The following PLXND1 variants were observed in gnomAD, a reference collection of about 807,000 sequenced individuals.
PLXND1 encodes plexin-D1.
PLXND1 carries 54 observed loss-of-function variants against 197.7 expected under a neutral mutation model. That is an observed-to-expected ratio of 0.27 (90% CI 0.22 to 0.34). PLXND1 has a LOEUF of 0.34. PLXND1 is among the 10% of genes least tolerant of loss of function. The pLI, the probability that PLXND1 is intolerant of heterozygous loss-of-function variation, is 1.00. For missense variants in PLXND1, 2,127 were observed against 2,699.2 expected, an observed-to-expected ratio of 0.79 and a Z score of 4.70; for synonymous variants, 1,180 against 1,161.2, an observed-to-expected ratio of 1.02 and a Z score of -0.33.
chr3:129,595,020 A>G (rs968694972), intron 1 of PLXND1, among the ~76,000 whole-genome samples: 1 of 152,088 alleles, frequency 6.6e-6, no homozygotes, highest in African/African-American at 2.4e-5. Flanking sequence ...GGCCTCTCTC[A>G]GCCCCCGTCC....
chr3:129,572,804 C>T, intron 14 of PLXND1, 38 bp downstream of exon 14: 1 of 1,612,236 alleles, frequency 6.2e-7, no homozygotes, highest in Non-Finnish European at 8.5e-7. Context: ...AGTGTGCGTG[C>T]TGGGCGGGCC....
At chr3:129,562,699 C>G (rs2085079167) in intron 27 of PLXND1, 88 bp downstream of exon 27, 1 of 1,250,680 alleles carries the variant, frequency 8.0e-7, no homozygotes, top group East Asian at 2.5e-5. Flanking sequence ...TGCACCCATG[C>G]CAGGTGAAAG....
At position 129,606,284 on chromosome 3, in the gene PLXND1, C is replaced by G; in HGVS notation, c.356G>C (p.Arg119Pro). The G allele has an allele frequency of 1.3e-6, 2 of 1,532,938 alleles. No individual in the cohort carries two copies. Among genetic ancestry groups the G allele is most frequent in the East Asian group, 5.1e-5 (2 of 39,514 alleles). 95.0% of individuals were successfully genotyped at this position (1,532,938 alleles called of 1,614,324 possible). ...GATCTTGTTGTAGTTGTCCGTGAGG[C>G]GCCGCGGGTGCTCGCACGAGGCCTG... ...LPQASCEHPR[R>P]LTDNYNKILQ... Residue 119 changes from arginine to proline, a missense_variant, in exon 1 of 36, where the codon CGC (arginine) becomes CCC (proline). Physicochemically the swap from Arg to Pro is moderately radical, Grantham distance 103. This residue lies in a region of PLXND1 where 245 missense variants were observed against 267.1 expected (regional missense o/e 0.92). Coordinates refer to ENST00000324093, the MANE Select transcript of PLXND1 (RefSeq NM_015103.3).
chr3:129,588,545 G>A (rs2085493112), intron 2 of PLXND1, among the ~76,000 whole-genome samples: 1 of 152,256 alleles, frequency 6.6e-6, no homozygotes. Context: ...CACAGCGGTG[G>A]GGTCCTGGGA....
chr3:129,605,532 CA>C lies in PLXND1; in HGVS notation c.1107del (p.Phe369LeufsTer92). On this transcript the variant is annotated frameshift_variant, in exon 1 of 36. Transcript: ENST00000324093. LOFTEE classifies it high-confidence loss of function. The part of the protein sequence containing the change: ...VSVFPARERL[F>X]AVFERPQGSP... ...GACCCCTGGGGCCGCTCGAAGACAG[CA>C]AAGAGCCGCTCCCGGGCTGGGAAGA... 1 of 1,525,192 alleles carries C rather than the reference CA, an allele frequency of 6.6e-7. No individual in the cohort carries two copies. The allele number at this position is 1,525,192 out of a possible 1,614,324, so 94.5% of individuals were successfully genotyped here.
At chr3:129,585,448 C>T (rs567529124) in intron 5 of PLXND1, among the ~76,000 whole-genome samples, 8 of 152,358 alleles carry the variant, frequency 5.3e-5, no homozygotes, top group Admixed American at 2.0e-4. Flanking sequence ...GGAGACCCAG[C>T]CCCCTGCATT....
chr3:129,558,365 C>T lies in PLXND1; in HGVS notation c.5445+63G>A. The T allele has an allele frequency of 6.6e-7, 1 of 1,509,822 alleles. No individual in the cohort carries two copies. Among genetic ancestry groups the T allele is most frequent in the Non-Finnish European group, 9.1e-7 (1 of 1,102,288 alleles). The allele number at this position is 1,509,822 out of a possible 1,614,324, so 93.5% of individuals were successfully genotyped here. Reference sequence around the variant, plus strand: ...AGCCTCAGAGAGTCGAGGAGGCTACCCATGGTCGGCACCCCACTCTGGCCC... The same window carrying T: ...AGCCTCAGAGAGTCGAGGAGGCTACTCATGGTCGGCACCCCACTCTGGCCC... On this transcript the variant is annotated intron_variant, in intron 33 of 35. Coordinates refer to ENST00000324093, the MANE Select transcript of PLXND1 (RefSeq NM_015103.3). The surrounding 1 kb of genome is among the most constrained non-coding windows in gnomAD (Gnocchi z 4.1).
intron 1 of PLXND1, among the ~76,000 whole-genome samples, chr3:129,595,533 G>A (rs1008814504): frequency 6.6e-6 from 1 of 152,242 alleles, no homozygotes; most frequent in African/African-American, 2.4e-5. Flanking sequence ...CAGAGGAAAA[G>A]CAGCCTGGAG....
rs1169515386 is a variant in PLXND1, at chr3:129,558,788, G to A, written c.5298-213C>T. 3.6e-6 allele frequency: 2 copies of A among 557,540 alleles called. No homozygotes were observed. The highest frequency in any genetic ancestry group is 6.1e-5 in the East Asian group (2 of 32,716). The allele number at this position is 557,540 out of a possible 1,614,324, so 34.5% of individuals were successfully genotyped here. On this transcript the variant is annotated intron_variant, in intron 32 of 35. Coordinates refer to ENST00000324093, the MANE Select transcript of PLXND1 (RefSeq NM_015103.3). The surrounding 1 kb of genome is among the most constrained non-coding windows in gnomAD (Gnocchi z 4.1). ...CCGGTTTCCTGCTGGAGCAAGGCAGGAGCTACAGGGCTTAGCTGTACCCCC... is the reference window on the plus strand; with the variant it reads ...CCGGTTTCCTGCTGGAGCAAGGCAGAAGCTACAGGGCTTAGCTGTACCCCC...
intron 8 of PLXND1, among the ~76,000 whole-genome samples, chr3:129,578,865 T>G (rs1177403240): frequency 3.3e-5 from 5 of 152,112 alleles, no homozygotes; most frequent in African/African-American, 1.2e-4. Context: ...GACTGACCCG[T>G]GTTAAGCGAT....
At chr3:129,593,283 T>C (rs2085573559) in intron 1 of PLXND1, among the ~76,000 whole-genome samples, 1 of 152,154 alleles carries the variant, frequency 6.6e-6, no homozygotes, top group African/African-American at 2.4e-5. Flanking sequence ...CCCCACCCGC[T>C]GCGCCCACCA....
At position 129,584,168 on chromosome 3, in the gene PLXND1, T is replaced by C; in HGVS notation, c.2095A>G (p.Ile699Val). The C allele has an allele frequency of 1.9e-6, 3 of 1,576,520 alleles. No homozygotes were observed. The highest frequency in any genetic ancestry group is 2.6e-6 in the Non-Finnish European group (3 of 1,159,544). Residue 699 changes from isoleucine to valine, a missense_variant, in exon 7 of 36, where the codon ATC becomes GTC. Physicochemically the swap from Ile to Val is conservative, Grantham distance 29. Transcript: ENST00000324093. ...TGTGCAGTGCGGCTGCAGTCGTAGA[T>C]GGTGAAATTGGCCTTGACGATGTTC... ...GRNIVKANFT[I>V]YDCSRTAQVY... is the part of the protein sequence containing the mutation.
chr3:129,576,324 C>T (rs1222314690), intron 9 of PLXND1, among the ~76,000 whole-genome samples: 6 of 152,254 alleles, frequency 3.9e-5, no homozygotes, highest in Admixed American at 3.3e-4. Context: ...CTTTCTACCA[C>T]CCAGCAAAGC....
At chr3:129,598,971 C>A (rs1330207449) in intron 1 of PLXND1, among the ~76,000 whole-genome samples, 1 of 152,224 alleles carries the variant, frequency 6.6e-6, no homozygotes, top group East Asian at 1.9e-4. Context: ...AGAGAAAGTT[C>A]TCAAGCAACA....
chr3:129,575,519 T>G lies in PLXND1; in HGVS notation c.2480A>C (p.Gln827Pro). 2.6e-6 allele frequency: 4 copies of G among 1,557,512 alleles called. No individual in the cohort carries two copies. The highest frequency in any genetic ancestry group is 3.5e-6 in the Non-Finnish European group (4 of 1,149,988). Residue 827 changes from glutamine (Q) to proline (P), a missense_variant, in exon 11 of 36, where the codon CAA (glutamine) becomes CCA (proline). Coordinates refer to ENST00000324093, the MANE Select transcript of PLXND1 (RefSeq NM_015103.3). The part of the protein sequence containing the change: ...RKSQVFPLSL[Q>P]LKGRPARFLD... ...GAATCGGGCTGGCCGCCCCTTTAGT[T>G]GGAGGCTGAGCGGGAACACCTGGCT...
chr3:129,591,932 A>T (rs1186134018), intron 1 of PLXND1, among the ~76,000 whole-genome samples: 1 of 152,112 alleles, frequency 6.6e-6, no homozygotes, highest in African/African-American at 2.4e-5. Flanking sequence ...TAAATCCTGA[A>T]TCCTAAATCC....
chr3:129,584,262 A>C (rs2085427186), intron 6 of PLXND1, 29 bp from the exon 7 acceptor site: 1 of 1,592,284 alleles, frequency 6.3e-7, no homozygotes, highest in Non-Finnish European at 8.6e-7. Flanking sequence ...CCAGGGGAGG[A>C]CATGGGGGCA....
chr3:129,585,152 T>C (rs528006141), intron 5 of PLXND1, among the ~76,000 whole-genome samples: 117 of 152,332 alleles, frequency 7.7e-4, no homozygotes, highest in African/African-American at 2.7e-3. Flanking sequence ...TTCCATAATA[T>C]TTGTCCAATA....
chr3:129,606,579 G>C lies in PLXND1; in HGVS notation c.61C>G (p.Pro21Ala), dbSNP rs1160977926. ...CACCGCGGCGGCGTCTGGAACGGCG[G>C]GGGGCTGGCGGCGGCGGCCCGGGCG... ...LSARAAAASP[P>A]PFQTPPRCPV... The change falls in exon 1 of 36, where the codon CCG becomes GCG. Residue 21 changes from proline to alanine, a missense_variant. Physicochemically the swap from Pro to Ala is conservative, Grantham distance 27 (BLOSUM62 -1). Around this residue, in one of 6 missense-constraint regions of PLXND1, gnomAD observed 245 missense variants for 267.1 expected, o/e 0.92. Transcript: ENST00000324093. 4.1e-6 allele frequency: 5 copies of C among 1,227,596 alleles called. No homozygotes were observed. Among genetic ancestry groups the C allele is most frequent in the East Asian group, 3.2e-5 (1 of 30,980 alleles). The allele number at this position is 1,227,596 out of a possible 1,614,324, so 76.0% of individuals were successfully genotyped here.
Sources: gnomAD v4.1 joint callset for allele counts (sites outside exome capture counted in the v4.1 genomes callset) on GRCh38, gnomAD v4.1.1 for gene constraint, gnomAD v4.1.1 regional missense constraint, Gnocchi (gnomAD v3.1) non-coding constraint, MANE v1.5 for transcripts, NCBI Gene and HGNC (gene_info 2026-07-23, HGNC 2026-07-21) for gene names.